The following PIK3CB variants were observed in gnomAD, a reference collection of about 807,000 sequenced individuals.
PIK3CB encodes the protein phosphatidylinositol-4,5-bisphosphate 3-kinase catalytic subunit beta, also known as phosphatidylinositol 4,5-bisphosphate 3-kinase catalytic subunit beta isoform.
A neutral mutation model predicts 136.8 loss-of-function variants in PIK3CB; 39 were observed. That is an observed-to-expected ratio of 0.29 (90% confidence interval 0.22 to 0.37). PIK3CB has a LOEUF of 0.37. Ranked by LOEUF, PIK3CB falls within the 10% of genes least tolerant of loss-of-function variation. The probability of loss-of-function intolerance (pLI) is 1.00; values close to 1 mark genes in which losing one functional copy is unlikely to be tolerated. For synonymous variants in PIK3CB, 428 were observed against 436.6 expected, an observed-to-expected ratio of 0.98 and a Z score of 0.25; for missense variants, 868 against 1,275.4, an observed-to-expected ratio of 0.68 and a Z score of 4.87.
chr3:138,742,407 T>A (rs2045263776), intron 5 of PIK3CB, 151 bp downstream of exon 5: 1 of 570,170 alleles, frequency 1.8e-6, no homozygotes, highest in Non-Finnish European at 3.1e-6. Context: ...CTATTATATA[T>A]AATCCTAAAT....
chr3:138,668,078 T>A (rs1355516986), intron 19 of PIK3CB, among the ~76,000 whole-genome samples: 1 of 151,528 alleles, frequency 6.6e-6, no homozygotes, highest in African/African-American at 2.4e-5. Flanking sequence ...CAGAAAAAAA[T>A]AATAATAAAA....
intron 2 of PIK3CB, among the ~76,000 whole-genome samples, chr3:138,780,072 C>T (rs1400863740): frequency 6.6e-6 from 1 of 151,884 alleles, no homozygotes; most frequent in Non-Finnish European, 1.5e-5. Context: ...ATTCTCCTGC[C>T]TCAGCCTTCC....
Position 138,680,478 on chromosome 3 carries a change from T to C in PIK3CB, c.2504+1489A>G, listed in dbSNP as rs1164273847. Among the ~76,000 whole-genome samples the C allele has an allele frequency of 3.9e-5, 6 of 152,186 alleles. No homozygotes were observed. The East Asian group carries it at 9.6e-4, about 24-fold the overall frequency. ...TTGAAAACACTGATGAACTGGACTA[T>C]ATCTTTGTGTATAAATCTCTGTCTA... is the stretch of plus-strand genomic sequence containing the variant. On this transcript the variant is annotated intron_variant, in intron 19 of 23. Transcript: ENST00000674063.
At chr3:138,684,484 C>T (rs2043842074) in intron 17 of PIK3CB, 141 bp downstream of exon 17, 7 of 499,986 alleles carry the variant, frequency 1.4e-5, no homozygotes, top group Non-Finnish European at 2.4e-5. Context: ...ATAAGCATAG[C>T]CTCGGAGAAC....
chr3:138,785,277 T>TG lies in PIK3CB; in HGVS notation c.-17+11185dup, dbSNP rs531168052. 2.1e-3 allele frequency among the ~76,000 whole-genome samples: 305 copies of TG among 145,506 alleles called. 1 individual carries two copies. The highest frequency in any genetic ancestry group is 7.3e-3 in the South Asian group (33 of 4,514). On this transcript the variant is annotated intron_variant, in intron 2 of 23. Coordinates refer to ENST00000674063, the MANE Select transcript of PIK3CB (RefSeq NM_006219.3). ...CCCGGCAGCCGCCCCCTCCAGGAGGTGGGGGGGCGCCTCTGCCAGGCCGCC... is the reference window on the plus strand; with the variant it reads ...CCCGGCAGCCGCCCCCTCCAGGAGGTGGGGGGGGCGCCTCTGCCAGGCCGCC...
chr3:138,724,810 G>T (rs1259814217), intron 8 of PIK3CB, among the ~76,000 whole-genome samples: 1 of 152,154 alleles, frequency 6.6e-6, no homozygotes, highest in East Asian at 1.9e-4. Context: ...CCACGGCGGA[G>T]ACCAAATGTA....
intron 2 of PIK3CB, among the ~76,000 whole-genome samples, chr3:138,785,351 T>C (rs2045969888): frequency 6.6e-6 from 1 of 152,122 alleles, no homozygotes; most frequent in African/African-American, 2.4e-5. Context: ...CGGGCCATGA[T>C]GACGATGGCA....
At chr3:138,799,405 T>G (rs1217297690) in intron 1 of PIK3CB, among the ~76,000 whole-genome samples, 1 of 151,960 alleles carries the variant, frequency 6.6e-6, no homozygotes, top group African/African-American at 2.4e-5. Flanking sequence ...GGTCTTGAAC[T>G]CCTGACCTTG....
chr3:138,751,294 T>C (rs1479141289), intron 4 of PIK3CB, among the ~76,000 whole-genome samples: 2 of 151,740 alleles, frequency 1.3e-5, no homozygotes, highest in African/African-American at 4.8e-5. Flanking sequence ...CCATCTCTAC[T>C]AGAAATATAA....
At chr3:138,777,114 T>C (rs1220660902) in intron 2 of PIK3CB, among the ~76,000 whole-genome samples, 1 of 152,114 alleles carries the variant, frequency 6.6e-6, no homozygotes, top group Non-Finnish European at 1.5e-5. Flanking sequence ...GGCAAAGTCA[T>C]CTCCAAGCTG....
rs1462468835 is a variant in PIK3CB at position 138,733,520 on chromosome 3, C to T, written c.973-82G>A. On this transcript the variant is annotated intron_variant, in intron 7 of 23. Coordinates refer to ENST00000674063, the MANE Select transcript of PIK3CB (RefSeq NM_006219.3). ...GCTAGCAATGCAATTGTCATCAGTT[C>T]TAATGTCTATTGGCAAAACTATGAA... 5.9e-6 allele frequency: 4 copies of T among 673,040 alleles called. No homozygotes were observed. In the Admixed American group the frequency reaches 7.7e-5, roughly 13 times the overall value. The allele number at this position is 673,040 out of a possible 1,614,324, so 41.7% of individuals were successfully genotyped here.
intron 1 of PIK3CB, among the ~76,000 whole-genome samples, chr3:138,818,583 T>C (rs1933430133): frequency 6.6e-6 from 1 of 152,154 alleles, no homozygotes; most frequent in Non-Finnish European, 1.5e-5. Context: ...TACAAGGTGC[T>C]GCATGGACTC....
chr3:138,738,948 A>G (rs1182440356), intron 5 of PIK3CB, among the ~76,000 whole-genome samples: 1 of 152,146 alleles, frequency 6.6e-6, no homozygotes, highest in Non-Finnish European at 1.5e-5. Context: ...ACTATTTCAC[A>G]TCTATTTTTT....
chr3:138,675,662 C>G (rs2043628991), intron 19 of PIK3CB, among the ~76,000 whole-genome samples: 1 of 152,132 alleles, frequency 6.6e-6, no homozygotes, highest in Non-Finnish European at 1.5e-5. Context: ...ACATATTAGA[C>G]ATGCTGAAAG....
chr3:138,804,694 C>A (rs2046211847), intron 1 of PIK3CB, among the ~76,000 whole-genome samples: 1 of 152,132 alleles, frequency 6.6e-6, no homozygotes. Context: ...CTTAATTTTA[C>A]AATTTCTTTC....
chr3:138,800,786 A>G (rs2046165519), intron 1 of PIK3CB, among the ~76,000 whole-genome samples: 1 of 151,946 alleles, frequency 6.6e-6, no homozygotes, highest in Non-Finnish European at 1.5e-5. Flanking sequence ...CACCACGCCC[A>G]GCTAATTTTT....
At chr3:138,821,277 C>T (rs973546843) in intron 1 of PIK3CB, among the ~76,000 whole-genome samples, 1 of 131,452 alleles carries the variant, frequency 7.6e-6, no homozygotes, top group Non-Finnish European at 1.6e-5. Flanking sequence ...AACGAGACTC[C>T]GTCTCAAAAA....
In PIK3CB at chr3:138,734,594, T is replaced by A. The variant is rs374554331; in HGVS notation, c.972+40A>T. 56 of 1,444,080 alleles carry A rather than the reference T, an allele frequency of 3.9e-5. No homozygotes were observed. In the African/African-American group the frequency reaches 7.3e-4, roughly 19 times the overall value. The allele number at this position is 1,444,080 out of a possible 1,614,324, so 89.5% of individuals were successfully genotyped here. On this transcript the variant is annotated intron_variant, in intron 7 of 23. Transcript: ENST00000674063. ...ACTTATGTAAACTAACACAATCACATGGCTTTTGGGGTTACTAAAGGTTCA... is the reference window on the plus strand; with the variant it reads ...ACTTATGTAAACTAACACAATCACAAGGCTTTTGGGGTTACTAAAGGTTCA...
At chr3:138,773,526 A>G (rs2045824366) in intron 2 of PIK3CB, among the ~76,000 whole-genome samples, 2 of 152,368 alleles carry the variant, frequency 1.3e-5, no homozygotes, top group South Asian at 2.1e-4. Context: ...AATAAAAGTC[A>G]TATCACTCTA....
Sources: gnomAD v4.1 joint callset for allele counts (sites outside exome capture counted in the v4.1 genomes callset) on GRCh38, gnomAD v4.1.1 for gene constraint, MANE v1.5 for transcripts, NCBI Gene and HGNC (gene_info 2026-07-23, HGNC 2026-07-21) for gene names.